Variants in VAV2 observed in about 807,000 individuals in gnomAD.
VAV2 encodes the protein guanine nucleotide exchange factor VAV2.
In VAV2, 67 loss-of-function variants were observed where a neutral mutation model predicts 132.5. The observed-to-expected ratio is 0.51, with a 90% CI of 0.42 to 0.62. The LOEUF is 0.62. Ranked by LOEUF, VAV2 falls within the 20% of genes least tolerant of loss-of-function variation. The probability of loss-of-function intolerance (pLI) is 0.00; values close to 1 mark genes in which losing one functional copy is unlikely to be tolerated. For synonymous variants in VAV2, 492 were observed against 443.5 expected (o/e 1.11, Z -1.37); for missense variants, 938 against 1,153.6 (o/e 0.81, Z 2.71).
At chr9:133,917,855 A>C (rs1474184166) in intron 2 of VAV2, among the ~76,000 whole-genome samples, 1 of 152,168 alleles carries the variant, frequency 6.6e-6, no homozygotes, top group African/African-American at 2.4e-5. Flanking sequence ...GAGGGAGACC[A>C]GGACAGTGGG....
chr9:133,771,486 T>C (rs1333075241), intron 26 of VAV2, among the ~76,000 whole-genome samples: 2 of 152,188 alleles, frequency 1.3e-5, no homozygotes, highest in Non-Finnish European at 1.5e-5. Context: ...GAAAAGAAAA[T>C]GTAGGCATAA....
intron 2 of VAV2, among the ~76,000 whole-genome samples, chr9:133,896,166 G>A (rs549148719): frequency 3.3e-5 from 5 of 152,146 alleles, no homozygotes; most frequent in African/African-American, 9.7e-5. Flanking sequence ...CTTTATTAAC[G>A]TTAGTAGGTC....
intron 1 of VAV2, among the ~76,000 whole-genome samples, chr9:133,953,590 G>A (rs1304155824): frequency 6.6e-6 from 1 of 152,180 alleles, no homozygotes; most frequent in African/African-American, 2.4e-5. Flanking sequence ...AGGGACCCTG[G>A]CAGGGTGGGA....
intron 2 of VAV2, among the ~76,000 whole-genome samples, chr9:133,876,026 T>G (rs1838249776): frequency 6.6e-6 from 1 of 152,212 alleles, no homozygotes; most frequent in Non-Finnish European, 1.5e-5. Flanking sequence ...TCGACGCTCG[T>G]CGTTCTCAGG....
chr9:133,978,289 C>G (rs1842581105), intron 1 of VAV2, among the ~76,000 whole-genome samples: 1 of 152,212 alleles, frequency 6.6e-6, no homozygotes, highest in Admixed American at 6.5e-5. Flanking sequence ...CAGAAAGGAT[C>G]CCCCTGTGGA....
chr9:133,985,383 G>C (rs1297739345), intron 1 of VAV2, among the ~76,000 whole-genome samples: 1 of 152,184 alleles, frequency 6.6e-6, no homozygotes, highest in Non-Finnish European at 1.5e-5. Flanking sequence ...CCGGGTTCAA[G>C]CGATTCTCCT....
intron 4 of VAV2, among the ~76,000 whole-genome samples, chr9:133,820,953 C>T (rs1835763992): frequency 6.6e-6 from 1 of 152,194 alleles, no homozygotes; most frequent in Admixed American, 6.5e-5. Context: ...AGCGCCAGCC[C>T]CACATGGCCC....
rs1377000805 is a variant in VAV2, at chr9:133,886,576, G to A, written c.322-25144C>T. 3.9e-5 allele frequency among the ~76,000 whole-genome samples: 6 copies of A among 152,282 alleles called. No homozygotes were observed. The East Asian group carries it at 7.7e-4, about 20-fold the overall frequency. On this transcript the variant is annotated intron_variant, in intron 2 of 29. Transcript: ENST00000371850. ...GAGTCAGTGAGGCCCACGTGTTTGC[G>A]CCTGTGTCTGGGGGGTGCAAATCCC... is the stretch of plus-strand genomic sequence containing the variant.
chr9:133,792,980 A>G (rs749386677), intron 12 of VAV2, among the ~76,000 whole-genome samples: 3 of 152,094 alleles, frequency 2.0e-5, no homozygotes, highest in Non-Finnish European at 2.9e-5. Context: ...ATCAGGCCAC[A>G]TAAGAGCCAC....
intron 3 of VAV2, among the ~76,000 whole-genome samples, chr9:133,842,397 T>A (rs1836760907): frequency 6.6e-6 from 1 of 151,896 alleles, no homozygotes; most frequent in South Asian, 2.1e-4. Flanking sequence ...GAGCCTCGAG[T>A]TACATCCTGG....
chr9:133,906,578 C>T (rs1421582189), intron 2 of VAV2, among the ~76,000 whole-genome samples: 5 of 152,206 alleles, frequency 3.3e-5, no homozygotes, highest in African/African-American at 1.2e-4. Context: ...CATGAAAACA[C>T]TGATGAGACC....
chr9:133,902,662 C>A (rs2157836), intron 2 of VAV2, among the ~76,000 whole-genome samples: 100,393 of 152,104 alleles, frequency 0.66, 34,829 homozygotes, highest in East Asian at 0.93. Context: ...CATAGGGGTG[C>A]TAATCCCCAG....
rs571444267 is a variant in VAV2 at position 133,839,520 on chromosome 9, G to A, written c.381-5180C>T. On this transcript the variant is annotated intron_variant, in intron 3 of 29. Transcript: ENST00000371850. ...GGCTGGAGTGCAATGGCATGATCTC[G>A]GCTCACTGCAACCTCTGCCTCCCGG... Among the ~76,000 whole-genome samples, 47 of 149,932 alleles carry A rather than the reference G, an allele frequency of 3.1e-4. No homozygotes were observed. The South Asian group carries it at 4.4e-3, about 14-fold the overall frequency.
At chr9:133,841,336 A>C (rs1836714517) in intron 3 of VAV2, among the ~76,000 whole-genome samples, 1 of 151,828 alleles carries the variant, frequency 6.6e-6, no homozygotes, top group Non-Finnish European at 1.5e-5. Context: ...CGGATGCAGC[A>C]CTGGGCCTGG....
chr9:133,789,637 A>T (rs557521541), intron 13 of VAV2, among the ~76,000 whole-genome samples: 239 of 152,272 alleles, frequency 1.6e-3, no homozygotes, highest in African/African-American at 5.6e-3. Context: ...GGTTGTGTTC[A>T]CAGAGGCCGC....
At chr9:133,851,500 A>G (rs1837165286) in intron 3 of VAV2, among the ~76,000 whole-genome samples, 1 of 152,244 alleles carries the variant, frequency 6.6e-6, no homozygotes, top group African/African-American at 2.4e-5. Context: ...AAGTCAGCTC[A>G]TTCATCCACC....
At chr9:133,861,158 C>T in intron 3 of VAV2, 1 of 492,098 alleles carries the variant, frequency 2.0e-6, no homozygotes, top group Non-Finnish European at 3.6e-6. Flanking sequence ...CCGTCAGTAA[C>T]ATGCTTGCAA....
intron 2 of VAV2, among the ~76,000 whole-genome samples, chr9:133,936,656 C>G (rs1199258334): frequency 1.3e-5 from 2 of 152,294 alleles, no homozygotes; most frequent in East Asian, 3.9e-4. Context: ...GCAGGAGCAG[C>G]AACCTGCACT....
intron 2 of VAV2, among the ~76,000 whole-genome samples, chr9:133,881,093 G>A (rs1838476631): frequency 6.6e-6 from 1 of 152,262 alleles, no homozygotes; most frequent in South Asian, 2.1e-4. Flanking sequence ...GTCCCAGAGA[G>A]GCTGGGCAGG....
Sources: gnomAD v4.1 joint callset for allele counts (sites outside exome capture counted in the v4.1 genomes callset) on GRCh38, gnomAD v4.1.1 for gene constraint, MANE v1.5 for transcripts, NCBI Gene and HGNC (gene_info 2026-07-23, HGNC 2026-07-21) for gene names.